The following ATP2C2 variants were observed in gnomAD, a reference collection of about 807,000 sequenced individuals.
The protein encoded by ATP2C2 is calcium-transporting ATPase type 2C member 2.
A neutral mutation model predicts 110.8 loss-of-function variants in ATP2C2; 171 were observed. The observed-to-expected ratio is 1.54, with a 90% CI of 1.36 to 1.75. The LOEUF (loss-of-function observed/expected upper bound fraction) is 1.75. Ranked by LOEUF, ATP2C2 falls within the 40% of genes most tolerant of loss-of-function variation. ATP2C2 has a pLI of 0.00. For synonymous variants in ATP2C2, 804 were observed against 508.4 expected (o/e 1.58, Z -7.82); for missense variants, 1,963 against 1,235.0 (o/e 1.59, Z -8.84).
intron 24 of ATP2C2, chr16:84,461,184 G>C (rs1490553365): frequency 3.9e-6 from 1 of 253,554 alleles, no homozygotes; most frequent in Admixed American, 5.0e-5. Flanking sequence ...TCTAGGCCTG[G>C]GTCACCTTTT....
chr16:84,400,089 A>G (rs974902350), intron 2 of ATP2C2, among the ~76,000 whole-genome samples: 1 of 152,198 alleles, frequency 6.6e-6, no homozygotes, highest in African/African-American at 2.4e-5. Context: ...GTTGCAAATG[A>G]CAGGATCTCA....
intron 1 of ATP2C2, among the ~76,000 whole-genome samples, chr16:84,372,320 G>C (rs1910000525): frequency 6.6e-6 from 1 of 152,192 alleles, no homozygotes; most frequent in African/African-American, 2.4e-5. Flanking sequence ...TGGGAATTCT[G>C]AGGCTCATGC....
At chr16:84,377,936 G>C (rs918507883) in intron 1 of ATP2C2, among the ~76,000 whole-genome samples, 54 of 152,300 alleles carry the variant, frequency 3.5e-4, no homozygotes, top group African/African-American at 1.2e-3. Flanking sequence ...CACTAGCTGG[G>C]CCATATTCCT....
At chr16:84,420,997 G>C (rs942467364) in intron 7 of ATP2C2, among the ~76,000 whole-genome samples, 22 of 152,068 alleles carry the variant, frequency 1.4e-4, no homozygotes, top group Non-Finnish European at 2.4e-4. Context: ...GTAGAGACAG[G>C]GTTTCACTGT....
intron 5 of ATP2C2, 27 bp from the exon 6 acceptor site, chr16:84,410,677 C>G (rs758038303): frequency 4.3e-6 from 7 of 1,613,548 alleles, no homozygotes; most frequent in South Asian, 1.1e-5. Flanking sequence ...CACCTTTAAA[C>G]AGCACATCTG....
At chr16:84,451,159 C>T (rs1167933743) in intron 17 of ATP2C2, among the ~76,000 whole-genome samples, 3 of 152,134 alleles carry the variant, frequency 2.0e-5, no homozygotes, top group Non-Finnish European at 4.4e-5. Context: ...TACATGGCAG[C>T]CGGCAAGAGA....
chr16:84,381,828 T>G (rs191130550), intron 1 of ATP2C2, among the ~76,000 whole-genome samples: 1 of 152,256 alleles, frequency 6.6e-6, no homozygotes, highest in African/African-American at 2.4e-5. Context: ...ACCACATTGT[T>G]TTGAATCCTT....
intron 6 of ATP2C2, among the ~76,000 whole-genome samples, chr16:84,413,135 G>A (rs918147578): frequency 6.6e-6 from 1 of 151,390 alleles, no homozygotes; most frequent in African/African-American, 2.4e-5. Flanking sequence ...GGTCTGGGGT[G>A]TCTGGGAACA....
chr16:84,377,912 C>T (rs533674728), intron 1 of ATP2C2, among the ~76,000 whole-genome samples: 1 of 152,268 alleles, frequency 6.6e-6, no homozygotes, highest in East Asian at 1.9e-4. Context: ...TCAGGAGAAG[C>T]GGGCATGGTG....
At chr16:84,453,827 C>G (rs1910543615) in intron 20 of ATP2C2, among the ~76,000 whole-genome samples, 1 of 150,136 alleles carries the variant, frequency 6.7e-6, no homozygotes, top group South Asian at 2.1e-4. Context: ...AAAAGAGAAG[C>G]TATCTTTTTT....
At chr16:84,406,943 G>A (rs963798293) in intron 3 of ATP2C2, among the ~76,000 whole-genome samples, 1 of 151,974 alleles carries the variant, frequency 6.6e-6, no homozygotes, top group African/African-American at 2.4e-5. Context: ...CTCCAGCCAG[G>A]GTGTTCCCCA....
chr16:84,440,734 A>C, intron 13 of ATP2C2, 123 bp from the exon 14 acceptor site: 1 of 711,996 alleles, frequency 1.4e-6, no homozygotes, highest in East Asian at 2.7e-5. Context: ...CTTCATACTG[A>C]AAGCCCTGTC....
Position 84,408,453 on chromosome 16 carries a change from G to C in ATP2C2, c.376G>C (p.Val126Leu). The part of the protein sequence containing the change: ...LLLLGSALVS[V>L]LTKEYEDAVS... ...GCTGCTGGGCTCTGCCCTGGTGAGT[G>C]TCCTCACCAAGGAGTATGAGGACGC... is the stretch of plus-strand genomic sequence containing the variant. The change falls in exon 4 of 27, where the codon GTC becomes CTC. Residue 126 changes from valine to leucine, a missense_variant. Val to Leu is a conservative substitution (Grantham distance 32). Transcript: ENST00000262429. 5 of 1,613,754 alleles carry C rather than the reference G, an allele frequency of 3.1e-6. No individual in the cohort carries two copies. The highest frequency in any genetic ancestry group is 4.2e-6 in the Non-Finnish European group (5 of 1,179,988).
intron 15 of ATP2C2, among the ~76,000 whole-genome samples, chr16:84,443,352 C>G (rs1052531996): frequency 1.3e-5 from 2 of 152,172 alleles, no homozygotes; most frequent in African/African-American, 4.8e-5. Context: ...TGGGGCTCCC[C>G]TGGACACTGT....
intron 6 of ATP2C2, 133 bp downstream of exon 6, chr16:84,410,898 A>C: frequency 1.1e-6 from 1 of 879,934 alleles, no homozygotes; most frequent in Non-Finnish European, 1.8e-6. Flanking sequence ...TGGGAGTTCT[A>C]AGGCCTGGTC....
rs966871851 is a variant in ATP2C2, at chr16:84,440,715, A to G, written c.1210-142A>G. 62 of 657,380 alleles carry G rather than the reference A, an allele frequency of 9.4e-5. No homozygotes were observed. The African/African-American group carries it at 1.1e-3, about 12-fold the overall frequency. The allele number at this position is 657,380 out of a possible 1,614,324, so 40.7% of individuals were successfully genotyped here. A position where few individuals can be genotyped will look rare whatever the true frequency, so the allele number is the denominator to read the frequency against. On this transcript the variant is annotated intron_variant, in intron 13 of 26. Coordinates refer to ENST00000262429, the MANE Select transcript of ATP2C2 (RefSeq NM_014861.4). ...GTATCCAATTAATCAATAATCTTTC[A>G]GAGAACATCTTCATACTGAAAGCCC...
At chr16:84,443,389 G>A (rs1006773075) in intron 15 of ATP2C2, among the ~76,000 whole-genome samples, 2 of 152,106 alleles carry the variant, frequency 1.3e-5, no homozygotes, top group African/African-American at 2.4e-5. Flanking sequence ...GACCCGCTCC[G>A]TGCTTTCTGC....
chr16:84,461,437 C>G, intron 24 of ATP2C2: 2 of 564,422 alleles, frequency 3.5e-6, no homozygotes, highest in South Asian at 4.3e-5. Flanking sequence ...GCATCACCTC[C>G]CAGGGAGACA....
chr16:84,409,482 C>G (rs986970980), intron 4 of ATP2C2, among the ~76,000 whole-genome samples: 2 of 152,048 alleles, frequency 1.3e-5, no homozygotes, highest in African/African-American at 4.8e-5. Context: ...CAATACATGA[C>G]CTTTTGTATC....
Sources: allele counts gnomAD v4.1 joint callset (sites outside exome capture counted in the v4.1 genomes callset), GRCh38; gene constraint gnomAD v4.1.1; transcripts MANE v1.5; gene names NCBI Gene and HGNC (gene_info 2026-07-23, HGNC 2026-07-21).